TMTC1: variants seen among roughly 807,000 people sequenced by gnomAD.
TMTC1 encodes protein O-mannosyl-transferase TMTC1.
Under a neutral mutation model 104.8 loss-of-function variants are expected in TMTC1, and 73 were observed. That is an observed-to-expected ratio of 0.70 (90% CI 0.58 to 0.85). TMTC1 has a LOEUF of 0.85. TMTC1 is among the 40% of genes least tolerant of loss of function. The probability of loss-of-function intolerance (pLI) is 0.00; values close to 1 mark genes in which losing one functional copy is unlikely to be tolerated. For synonymous variants in TMTC1, 434 were observed against 428.7 expected (o/e 1.01, Z -0.15); for missense variants, 1,035 against 1,096.1 (o/e 0.94, Z 0.79).
At chr12:29,621,987 C>T (rs1320992463) in intron 6 of TMTC1, among the ~76,000 whole-genome samples, 2 of 152,120 alleles carry the variant, frequency 1.3e-5, no homozygotes, top group East Asian at 3.9e-4. Flanking sequence ...CTCGGTGCCA[C>T]AGCCTGTGAT....
chr12:29,621,623 C>T (rs1286467088), intron 6 of TMTC1, among the ~76,000 whole-genome samples: 1 of 152,140 alleles, frequency 6.6e-6, no homozygotes, highest in Non-Finnish European at 1.5e-5. Flanking sequence ...TAATCACTTT[C>T]CAATAGTGGC....
intron 5 of TMTC1, among the ~76,000 whole-genome samples, chr12:29,700,492 A>T (rs1424464491): frequency 2.0e-5 from 3 of 152,022 alleles, no homozygotes; most frequent in Non-Finnish European, 2.9e-5. Context: ...GAGCCACCGC[A>T]CCAGGCCTTG....
chr12:29,658,998 C>A lies in TMTC1; in HGVS notation c.939-25662G>T, dbSNP rs148751120. On this transcript the variant is annotated intron_variant, in intron 5 of 17. Transcript: ENST00000539277. ...TATTCAGTGAATCAGATCCACTGAT[C>A]AGCATTACTTCTTGACCCAAATCCC... is the stretch of plus-strand genomic sequence containing the variant. 1.7e-3 allele frequency among the ~76,000 whole-genome samples: 265 copies of A among 152,340 alleles called. 1 individual carries two copies. The East Asian group carries it at 0.022, about 13-fold the overall frequency.
chr12:29,570,539 G>A (rs1276682106), intron 9 of TMTC1, among the ~76,000 whole-genome samples: 3 of 152,032 alleles, frequency 2.0e-5, no homozygotes, highest in South Asian at 4.1e-4. Flanking sequence ...TGATATCTAC[G>A]GTTTAAAACT....
chr12:29,663,400 G>T (rs996466786), intron 5 of TMTC1, among the ~76,000 whole-genome samples: 4 of 152,132 alleles, frequency 2.6e-5, no homozygotes, highest in Admixed American at 6.5e-5. Flanking sequence ...TTCTGGAAAC[G>T]TCCTTCCTCA....
chr12:29,669,598 T>C (rs937949795), intron 5 of TMTC1, among the ~76,000 whole-genome samples: 1 of 152,222 alleles, frequency 6.6e-6, no homozygotes, highest in African/African-American at 2.4e-5. Flanking sequence ...TTCAAGTAGA[T>C]AGAGAGACCT....
chr12:29,729,611 G>T (rs1434972814), intron 5 of TMTC1, among the ~76,000 whole-genome samples: 1 of 152,114 alleles, frequency 6.6e-6, no homozygotes, highest in Admixed American at 6.5e-5. Context: ...TTGCTTCCCA[G>T]GTTATGGGTG....
intron 9 of TMTC1, 148 bp downstream of exon 9, chr12:29,571,957 C>G: frequency 1.7e-6 from 1 of 596,208 alleles, no homozygotes; most frequent in South Asian, 2.4e-5. Flanking sequence ...CCAAAAGACT[C>G]AGAGTCCAAG....
intron 7 of TMTC1, among the ~76,000 whole-genome samples, chr12:29,597,245 T>TC (rs1301073352): frequency 2.0e-5 from 3 of 147,116 alleles, no homozygotes; most frequent in Non-Finnish European, 1.5e-5. Context: ...TTTCTTTCTT[T>TC]TTTTTTTTTT....
chr12:29,678,295 T>G (rs1940798765), intron 5 of TMTC1, among the ~76,000 whole-genome samples: 1 of 152,212 alleles, frequency 6.6e-6, no homozygotes, highest in African/African-American at 2.4e-5. Flanking sequence ...CTCCAGATAT[T>G]ACTTCTTCTT....
chr12:29,634,016 TGAGAACTGC>T (rs1485761192), intron 5 of TMTC1, among the ~76,000 whole-genome samples: 1 of 152,334 alleles, frequency 6.6e-6, no homozygotes, highest in East Asian at 1.9e-4. Flanking sequence ...TCTAGACCCT[TGAGAACTGC>T]ACATAACAAC....
chr12:29,598,553 T>C (rs1040660620), intron 7 of TMTC1, among the ~76,000 whole-genome samples: 2 of 152,260 alleles, frequency 1.3e-5, no homozygotes, highest in Admixed American at 6.5e-5. Flanking sequence ...CATTGAATTT[T>C]ATTTCTCAAA....
chr12:29,752,292 T>C (rs1417548617), intron 4 of TMTC1, among the ~76,000 whole-genome samples: 1 of 152,180 alleles, frequency 6.6e-6, no homozygotes, highest in Non-Finnish European at 1.5e-5. Flanking sequence ...TACATTTTTT[T>C]CTGTTATGAA....
At chr12:29,581,375 CA>C (rs1231467809) in intron 8 of TMTC1, among the ~76,000 whole-genome samples, 3 of 152,138 alleles carry the variant, frequency 2.0e-5, no homozygotes, top group African/African-American at 7.2e-5. Context: ...TAGAAAATAT[CA>C]ATAGCTTTGA....
At chr12:29,573,457 G>T (rs943199365) in intron 8 of TMTC1, among the ~76,000 whole-genome samples, 3 of 152,176 alleles carry the variant, frequency 2.0e-5, no homozygotes, top group Non-Finnish European at 4.4e-5. Flanking sequence ...GCCAGGTGCT[G>T]GGGATACAAT....
intron 6 of TMTC1, among the ~76,000 whole-genome samples, chr12:29,628,860 C>T (rs1938144633): frequency 6.6e-6 from 1 of 152,062 alleles, no homozygotes; most frequent in South Asian, 2.1e-4. Context: ...TGGGGTTTCA[C>T]CATGTTGGCC....
Position 29,591,264 on chromosome 12 carries a change from C to T in TMTC1, c.1251-7690G>A, listed in dbSNP as rs529167197. ...AGATCTCAGCAGCAGGGGAGAGAAA[C>T]GCACTCTTTCCCTCCATCGCTAGGG... On this transcript the variant is annotated intron_variant, in intron 7 of 17. Coordinates refer to ENST00000539277, the MANE Select transcript of TMTC1 (RefSeq NM_001193451.2). 3.3e-5 allele frequency among the ~76,000 whole-genome samples: 5 copies of T among 151,642 alleles called. No homozygotes were observed. The South Asian group carries it at 6.3e-4, about 19-fold the overall frequency.
Position 29,633,318 on chromosome 12 carries a change from G to A in TMTC1, c.957C>T (p.Tyr319=), listed in dbSNP as rs1303664430. ...WSMMRFLTYS[Y]LLAFNVWLLL... ...GAAGCCACACATTGAAGGCCAAGAG[G>A]TAGGAATAGGTGAGGAATCTATAAA... Residue 319 remains tyrosine (Y), a synonymous_variant, in exon 6 of 18, where the codon TAC becomes TAT. Transcript: ENST00000539277. The A allele has an allele frequency of 1.2e-6, 2 of 1,611,218 alleles. No individual in the cohort carries two copies. The highest frequency in any genetic ancestry group is 1.7e-6 in the Non-Finnish European group (2 of 1,178,274).
At chr12:29,602,536 G>C (rs558662414) in intron 7 of TMTC1, among the ~76,000 whole-genome samples, 1 of 152,090 alleles carries the variant, frequency 6.6e-6, no homozygotes, top group Non-Finnish European at 1.5e-5. Context: ...GAGGAATCAC[G>C]ATCATGTTTA....
Sources: gnomAD v4.1 joint callset for allele counts (sites outside exome capture counted in the v4.1 genomes callset) on GRCh38, gnomAD v4.1.1 for gene constraint, MANE v1.5 for transcripts, NCBI Gene and HGNC (gene_info 2026-07-23, HGNC 2026-07-21) for gene names.